The following CWC27 variants were observed in gnomAD, a reference collection of about 807,000 sequenced individuals.
The protein encoded by CWC27 is spliceosome-associated protein CWC27 homolog.
Under a neutral mutation model 63.6 loss-of-function variants are expected in CWC27, and 47 were observed. The observed-to-expected ratio is 0.74, with a 90% confidence interval of 0.58 to 0.94. CWC27 has a LOEUF of 0.94. Ranked by LOEUF, CWC27 falls within the 40% of genes least tolerant of loss-of-function variation. The pLI, the probability that CWC27 is intolerant of heterozygous loss-of-function variation, is 0.00. For missense variants in CWC27, 495 were observed against 554.3 expected, an observed-to-expected ratio of 0.89 and a Z score of 1.07; for synonymous variants, 175 against 179.8, an observed-to-expected ratio of 0.97 and a Z score of 0.22.
At chr5:64,978,148 A>G (rs1321210408) in intron 13 of CWC27, among the ~76,000 whole-genome samples, 2 of 152,210 alleles carry the variant, frequency 1.3e-5, no homozygotes, top group African/African-American at 4.8e-5. Flanking sequence ...GCACTCACAA[A>G]TCTAGAGGGT....
chr5:64,982,701 G>A (rs955929451), intron 13 of CWC27, among the ~76,000 whole-genome samples: 1 of 152,134 alleles, frequency 6.6e-6, no homozygotes, highest in Admixed American at 6.5e-5. Context: ...AAATAATGAA[G>A]GCCCAAGTTA....
intron 11 of CWC27, among the ~76,000 whole-genome samples, chr5:64,963,071 C>T (rs1303088407): frequency 6.6e-6 from 1 of 152,148 alleles, no homozygotes; most frequent in African/African-American, 2.4e-5. Flanking sequence ...TCTCCTGCCT[C>T]AGCCTCCTGA....
chr5:64,795,841 G>A (rs1482669401), intron 7 of CWC27, among the ~76,000 whole-genome samples: 2 of 152,078 alleles, frequency 1.3e-5, no homozygotes, highest in Non-Finnish European at 2.9e-5. Flanking sequence ...TCTAATGAAT[G>A]TCTAAACTAA....
intron 10 of CWC27, among the ~76,000 whole-genome samples, chr5:64,870,940 T>C (rs1746658913): frequency 6.6e-6 from 1 of 152,168 alleles, no homozygotes; most frequent in Admixed American, 6.6e-5. Context: ...CTTTTGTGCT[T>C]GACAAGGAGC....
Position 64,846,014 on chromosome 5 carries a change from AT to A in CWC27, c.939-39428del, listed in dbSNP as rs1165803681. Among the ~76,000 whole-genome samples, 58 of 152,344 alleles carry A rather than the reference AT, an allele frequency of 3.8e-4. 2 individuals are homozygous for A. Among genetic ancestry groups the A allele is most frequent in the Non-Finnish European group, 1.0e-4 (7 of 68,028 alleles). On this transcript the variant is annotated intron_variant, in intron 10 of 13. Transcript: ENST00000381070. ...AAACACATCACATACAAAGGAGACA[AT>A]ATGACTATCAGCAGATTTCCCAGCA...
chr5:64,977,744 T>C (rs1245526995), intron 13 of CWC27, among the ~76,000 whole-genome samples: 2 of 152,226 alleles, frequency 1.3e-5, no homozygotes, highest in Non-Finnish European at 2.9e-5. Flanking sequence ...TTTTCAGCTT[T>C]TTAAGAGACT....
chr5:64,769,639 T>C (rs1743169221), intron 1 of CWC27, among the ~76,000 whole-genome samples: 1 of 152,128 alleles, frequency 6.6e-6, no homozygotes, highest in Non-Finnish European at 1.5e-5. Context: ...GAAAAGCTTA[T>C]AGTTTAGTTT....
At chr5:64,974,528 C>CG (rs1749190472) in intron 12 of CWC27, among the ~76,000 whole-genome samples, 1 of 152,146 alleles carries the variant, frequency 6.6e-6, no homozygotes, top group African/African-American at 2.4e-5. Context: ...GACCAGCCCC[C>CG]ATGATTCAAT....
intron 10 of CWC27, among the ~76,000 whole-genome samples, chr5:64,824,684 TC>T (rs1561423464): frequency 6.6e-6 from 1 of 150,618 alleles, no homozygotes; most frequent in African/African-American, 2.4e-5. Context: ...TTTTTTTTTT[TC>T]CTCTAGAAGG....
chr5:64,769,142 C>T lies in CWC27; in HGVS notation c.-5C>T, dbSNP rs1743145004. 6.2e-7 allele frequency: 1 copy of T among 1,613,930 alleles called. No individual in the cohort carries two copies. Among genetic ancestry groups the T allele is most frequent in the Non-Finnish European group, 8.5e-7 (1 of 1,179,890 alleles). On this transcript the variant is annotated 5_prime_UTR_variant, in exon 1 of 14. Coordinates refer to ENST00000381070, the MANE Select transcript of CWC27 (RefSeq NM_005869.4). ...TAAGGAGCAGAGTCCTTTGTACTGACCAAGATGAGCAACATCTACATCCAG... is the reference window on the plus strand; with the variant it reads ...TAAGGAGCAGAGTCCTTTGTACTGATCAAGATGAGCAACATCTACATCCAG...
chr5:64,979,973 A>G (rs2112449401), intron 13 of CWC27, among the ~76,000 whole-genome samples: 1 of 151,974 alleles, frequency 6.6e-6, no homozygotes, highest in East Asian at 1.9e-4. Flanking sequence ...TGTAAAAAAA[A>G]AAAAAAAAAA....
intron 11 of CWC27, among the ~76,000 whole-genome samples, chr5:64,944,416 T>G (rs1748548024): frequency 6.6e-6 from 1 of 152,196 alleles, no homozygotes. Flanking sequence ...TCCCTCCTCC[T>G]TGAATTATTG....
intron 11 of CWC27, among the ~76,000 whole-genome samples, chr5:64,922,176 T>C (rs1159079867): frequency 6.6e-6 from 1 of 152,212 alleles, no homozygotes; most frequent in African/African-American, 2.4e-5. Context: ...AATGTCAATC[T>C]CTCTAGTGAG....
At chr5:64,816,358 C>A (rs1745030230) in intron 10 of CWC27, among the ~76,000 whole-genome samples, 1 of 152,176 alleles carries the variant, frequency 6.6e-6, no homozygotes, top group Non-Finnish European at 1.5e-5. Flanking sequence ...CAGTGTTTAA[C>A]TGGAGTCATG....
intron 9 of CWC27, among the ~76,000 whole-genome samples, chr5:64,802,471 A>C (rs1744521811): frequency 6.6e-6 from 1 of 152,192 alleles, no homozygotes; most frequent in Non-Finnish European, 1.5e-5. Flanking sequence ...GAAGGATGCT[A>C]TGATCAATTT....
rs73094731 is a variant in CWC27, at chr5:64,999,487, C to G, written c.1257-18672C>G. On this transcript the variant is annotated intron_variant, in intron 13 of 13. Coordinates refer to ENST00000381070, the MANE Select transcript of CWC27 (RefSeq NM_005869.4). ...CCATTAACCAACCTCTCTTTATCCT[C>G]TCCACACCACCCTTCCCAGCCCCTG... 9.8e-3 allele frequency among the ~76,000 whole-genome samples: 1,484 copies of G among 152,196 alleles called. 33 individuals carry two copies. Among genetic ancestry groups the G allele is most frequent in the African/African-American group, 0.034 (1,407 of 41,554 alleles).
intron 10 of CWC27, among the ~76,000 whole-genome samples, chr5:64,882,607 G>T (rs1312487235): frequency 6.6e-6 from 1 of 151,812 alleles, no homozygotes; most frequent in African/African-American, 2.4e-5. Context: ...TGTTGTTGTT[G>T]TTTTGAGACG....
intron 11 of CWC27, among the ~76,000 whole-genome samples, chr5:64,908,394 A>G (rs558231386): frequency 6.6e-6 from 1 of 152,324 alleles, no homozygotes; most frequent in Admixed American, 6.5e-5. Context: ...GTAGATATCT[A>G]TTAGGTCCAC....
chr5:64,846,990 T>A (rs1745996560), intron 10 of CWC27, among the ~76,000 whole-genome samples: 1 of 82,838 alleles, frequency 1.2e-5, no homozygotes, highest in Non-Finnish European at 2.2e-5. Context: ...TAAGACTCCA[T>A]CTCAAAAAAA....
Sources: allele counts gnomAD v4.1 joint callset (sites outside exome capture counted in the v4.1 genomes callset), GRCh38; gene constraint gnomAD v4.1.1; transcripts MANE v1.5; gene names NCBI Gene and HGNC (gene_info 2026-07-23, HGNC 2026-07-21).